DRC7: variants seen among roughly 807,000 people sequenced by gnomAD.
DRC7 encodes dynein regulatory complex subunit 7.
Under a neutral mutation model 104.4 loss-of-function variants are expected in DRC7, and 80 were observed. The ratio of observed to expected loss-of-function variants is 0.77; its 90% CI spans 0.64 to 0.92. DRC7 has a LOEUF of 0.92. Among genes scored for constraint, DRC7 ranks in the 40% least tolerant of loss-of-function variants. The pLI is 0.00. For missense variants in DRC7, 1,034 were observed against 1,141.1 expected (o/e 0.91, Z 1.35); for synonymous variants, 405 against 447.3 (o/e 0.91, Z 1.19).
At position 57,701,941 on chromosome 16, in the gene DRC7, G is replaced by T; in HGVS notation, c.510G>T (p.Ser170=). 6.2e-7 allele frequency: 1 copy of T among 1,613,658 alleles called. No homozygotes were observed. Among genetic ancestry groups the T allele is most frequent in the East Asian group, 2.2e-5 (1 of 44,860 alleles). ...GACCGTCCCACTGTGACCAGCCCTC[G>T]CACCTGTACTCCTCGACCACTGTGC... The part of the protein sequence containing the change: ...VPLPDPLKPP[S]HLYSSTTVLK... The change falls in exon 6 of 19, where the codon TCG becomes TCT. Residue 170 remains serine, a synonymous_variant. Coordinates refer to ENST00000360716, the MANE Select transcript of DRC7 (RefSeq NM_001289162.2).
At chr16:57,701,881 A>G (rs993557980) in intron 5 of DRC7, 55 bp from the exon 6 acceptor site, 19 of 1,491,154 alleles carry the variant, frequency 1.3e-5, no homozygotes, top group Non-Finnish European at 1.6e-5. Flanking sequence ...ACCGGTGGGG[A>G]GGACAGGCTG....
intron 8 of DRC7, among the ~76,000 whole-genome samples, chr16:57,716,224 C>T (rs777519489): frequency 8.4e-4 from 128 of 152,318 alleles, no homozygotes; most frequent in African/African-American, 1.5e-3. Context: ...ATAGGTTGGC[C>T]GGGCACAGTG....
At chr16:57,699,795 G>C (rs2048637837) in intron 4 of DRC7, among the ~76,000 whole-genome samples, 1 of 152,140 alleles carries the variant, frequency 6.6e-6, no homozygotes, top group Non-Finnish European at 1.5e-5. Context: ...CAGCTCTCAA[G>C]CCTGCTCTGG....
Position 57,720,781 on chromosome 16 carries a change from G to A in DRC7, c.1207-886G>A, listed in dbSNP as rs1369539520. Among the ~76,000 whole-genome samples the A allele has an allele frequency of 3.3e-5, 5 of 152,214 alleles. No individual in the cohort carries two copies. In the East Asian group the frequency reaches 9.6e-4, roughly 29 times the overall value. ...AACAGTTGTCAGAGGTATGAGCAAT[G>A]TTTGTGGAAAAAAGGTTTTAAGTCG... is the stretch of plus-strand genomic sequence containing the variant. On this transcript the variant is annotated intron_variant, in intron 9 of 18. Transcript: ENST00000360716.
At chr16:57,703,041 G>A (rs1383413363) in intron 6 of DRC7, among the ~76,000 whole-genome samples, 2 of 151,576 alleles carry the variant, frequency 1.3e-5, no homozygotes. Flanking sequence ...GTACCACCAC[G>A]GCCAGCTAAT....
chr16:57,727,492 G>T, intron 16 of DRC7, 83 bp downstream of exon 16: 1 of 977,952 alleles, frequency 1.0e-6, no homozygotes, highest in Non-Finnish European at 1.6e-6. Context: ...GAGGGATTCT[G>T]CTGAGAAACC....
chr16:57,707,649 A>C lies in DRC7; in HGVS notation c.1048A>C (p.Asn350His), dbSNP rs1446667213. 6.2e-7 allele frequency: 1 copy of C among 1,613,512 alleles called. No homozygotes were observed. Among genetic ancestry groups the C allele is most frequent in the Non-Finnish European group, 8.5e-7 (1 of 1,180,010 alleles). ...SLWNHKNYWINMQDCWNCCKD... is the reference protein window; with the variant it reads ...SLWNHKNYWIHMQDCWNCCKD... ...GTGGAACCACAAGAACTACTGGATC[A>C]ACATGCAGGATTGCTGGAACTGCTG... The change falls in exon 8 of 19, where the codon AAC becomes CAC. Residue 350 changes from asparagine (N) to histidine (H), a missense_variant. Asn to His is a moderately conservative substitution (Grantham distance 68). Transcript: ENST00000360716.
intron 11 of DRC7, 45 bp from the exon 12 acceptor site, chr16:57,722,957 T>C (rs766361552): frequency 8.7e-6 from 14 of 1,613,238 alleles, no homozygotes; most frequent in Non-Finnish European, 1.1e-5. Context: ...GGTTGAAGGC[T>C]AGGGGAGCTG....
At chr16:57,728,676 T>C in intron 17 of DRC7, 92 bp downstream of exon 17, 3 of 1,060,986 alleles carry the variant, frequency 2.8e-6, no homozygotes, top group Non-Finnish European at 4.0e-6. Flanking sequence ...CCTCACAGGC[T>C]TGTGAGGGCC....
At chr16:57,721,518 A>C (rs183161213) in intron 9 of DRC7, 149 bp from the exon 10 acceptor site, 1 of 632,440 alleles carries the variant, frequency 1.6e-6, no homozygotes, top group African/African-American at 1.9e-5. Flanking sequence ...TTTCCACATC[A>C]TGGGTCGTGC....
Position 57,699,027 on chromosome 16 carries a change from A to G in DRC7, c.378+3A>G. On this transcript the variant is annotated splice_donor_region_variant and intron_variant, in intron 4 of 18. Transcript: ENST00000360716. ...CCCTGAACGAGTGTGAAGTGCCCGTAAGGCTGGCATGTTGAGGGCAGGGCT... is the reference window on the plus strand; with the variant it reads ...CCCTGAACGAGTGTGAAGTGCCCGTGAGGCTGGCATGTTGAGGGCAGGGCT... 1.2e-6 allele frequency: 2 copies of G among 1,613,582 alleles called. No individual in the cohort carries two copies. Among genetic ancestry groups the G allele is most frequent in the Non-Finnish European group, 1.7e-6 (2 of 1,179,744 alleles).
intron 17 of DRC7, among the ~76,000 whole-genome samples, chr16:57,730,482 G>A (rs2049048896): frequency 6.6e-6 from 1 of 152,050 alleles, no homozygotes; most frequent in Non-Finnish European, 1.5e-5. Flanking sequence ...CAGAGAGATG[G>A]TACACTGTAA....
chr16:57,702,263 C>G, intron 6 of DRC7, 133 bp downstream of exon 6: 1 of 810,256 alleles, frequency 1.2e-6, no homozygotes, highest in Non-Finnish European at 1.9e-6. Flanking sequence ...TCCCTCACCA[C>G]CAGCCCTTCC....
At chr16:57,709,535 T>C (rs1369265397) in intron 8 of DRC7, among the ~76,000 whole-genome samples, 2 of 152,216 alleles carry the variant, frequency 1.3e-5, no homozygotes, top group Non-Finnish European at 2.9e-5. Flanking sequence ...CAGGTTTTTT[T>C]TTAATCAAAC....
In DRC7 at chr16:57,697,899, A is replaced by T; in HGVS notation, c.-37-14A>T. On this transcript the variant is annotated splice_polypyrimidine_tract_variant and intron_variant, in intron 2 of 18. Coordinates refer to ENST00000360716, the MANE Select transcript of DRC7 (RefSeq NM_001289162.2). ...TGACAGTCGGCCATGGAGTATACTT[A>T]CCCTTCCCCACAGAGACATTCCATC... The T allele has an allele frequency of 1.3e-6, 2 of 1,587,856 alleles. No individual in the cohort carries two copies. Among genetic ancestry groups the T allele is most frequent in the East Asian group, 4.5e-5 (2 of 44,650 alleles).
Position 57,726,255 on chromosome 16 carries a change from T to A in DRC7, c.1946T>A (p.Met649Lys). 1.9e-6 allele frequency: 3 copies of A among 1,612,664 alleles called. No individual in the cohort carries two copies. Among genetic ancestry groups the A allele is most frequent in the South Asian group, 1.1e-5 (1 of 91,072 alleles). The stretch of plus-strand genomic sequence containing the variant: ...GACAGCAAAGGCAACAAGATCATCA[T>A]GACGCCCGACATGTGCATCAGCTTC... The part of the protein sequence containing the change: ...EVDSKGNKII[M>K]TPDMCISFEV... The change falls in exon 14 of 19, where the codon ATG becomes AAG. Residue 649 changes from methionine (M) to lysine (K), a missense_variant. Met to Lys is a moderately conservative substitution (Grantham distance 95, BLOSUM62 -1). Coordinates refer to ENST00000360716, the MANE Select transcript of DRC7 (RefSeq NM_001289162.2).
chr16:57,724,061 A>G (rs1336744392), intron 12 of DRC7, among the ~76,000 whole-genome samples: 1 of 152,076 alleles, frequency 6.6e-6, no homozygotes, highest in Non-Finnish European at 1.5e-5. Flanking sequence ...AGTGGCGCAC[A>G]CCTATAATCA....
intron 1 of DRC7, 105 bp from the exon 2 acceptor site, chr16:57,696,359 C>T (rs2048592209): frequency 6.6e-6 from 1 of 152,306 alleles, no homozygotes. Flanking sequence ...ACCTCATGGT[C>T]TCGCCTTGGC....
In DRC7 at chr16:57,727,286, C is replaced by G. The variant is rs2048981394; in HGVS notation, c.2086-13C>G. 1.2e-6 allele frequency: 2 copies of G among 1,609,522 alleles called. No homozygotes were observed. The highest frequency in any genetic ancestry group is 1.7e-6 in the Non-Finnish European group (2 of 1,176,780). ...GGTGTCTCCATCACGCCCTCCAACA[C>G]TTCTCATTTCAGGTGCTGGAGATTC... On this transcript the variant is annotated splice_polypyrimidine_tract_variant and intron_variant, in intron 15 of 18. Coordinates refer to ENST00000360716, the MANE Select transcript of DRC7 (RefSeq NM_001289162.2).
Sources: allele counts gnomAD v4.1 joint callset (sites outside exome capture counted in the v4.1 genomes callset), GRCh38; gene constraint gnomAD v4.1.1; transcripts MANE v1.5; gene names NCBI Gene and HGNC (gene_info 2026-07-23, HGNC 2026-07-21).